The following KLHL29 variants were observed in gnomAD, a reference collection of about 807,000 sequenced individuals.
KLHL29 encodes the protein kelch-like protein 29.
Under a neutral mutation model 80.4 loss-of-function variants are expected in KLHL29, and 21 were observed. The ratio of observed to expected loss-of-function variants is 0.26; its 90% CI spans 0.19 to 0.38. The LOEUF is 0.38. Ranked by LOEUF, KLHL29 falls within the 10% of genes least tolerant of loss-of-function variation. The pLI is 1.00. For missense variants in KLHL29, 867 were observed against 1,223.9 expected (o/e 0.71, Z 4.35); for synonymous variants, 511 against 526.8 (o/e 0.97, Z 0.41).
chr2:23,693,598 G>T lies in KLHL29; in HGVS notation c.1542+70G>T, dbSNP rs908306798. The T allele has an allele frequency of 8.2e-6, 12 of 1,462,538 alleles. No homozygotes were observed. In the African/African-American group the frequency reaches 1.5e-4, roughly 19 times the overall value. 90.6% of individuals were successfully genotyped at this position (1,462,538 alleles called of 1,614,324 possible). On this transcript the variant is annotated intron_variant, in intron 8 of 13. Coordinates refer to ENST00000486442, the MANE Select transcript of KLHL29 (RefSeq NM_052920.2). ...TCCCCCTGCGGCAATGGGGTCTGCAGCAAGGAGGAAGGAAGTGAACCTTCC... is the reference window on the plus strand; with the variant it reads ...TCCCCCTGCGGCAATGGGGTCTGCATCAAGGAGGAAGGAAGTGAACCTTCC...
chr2:23,443,344 A>G (rs1054512461), intron 1 of KLHL29, among the ~76,000 whole-genome samples: 8 of 152,226 alleles, frequency 5.3e-5, no homozygotes, highest in Non-Finnish European at 1.2e-4. Context: ...ATAAGATAAA[A>G]AATTCTCCAC....
chr2:23,508,073 G>A (rs968044906), intron 2 of KLHL29, among the ~76,000 whole-genome samples: 1 of 152,180 alleles, frequency 6.6e-6, no homozygotes, highest in Non-Finnish European at 1.5e-5. Context: ...CTCCCAGCAG[G>A]GGCCTGGGTC....
chr2:23,389,118 A>G (rs1296500957), intron 1 of KLHL29, among the ~76,000 whole-genome samples: 2 of 150,670 alleles, frequency 1.3e-5, no homozygotes, highest in Non-Finnish European at 1.5e-5. Context: ...GGTCTTTTCT[A>G]GTAGTGGTCA....
At chr2:23,464,130 C>T (rs536588237) in intron 1 of KLHL29, among the ~76,000 whole-genome samples, 1 of 152,316 alleles carries the variant, frequency 6.6e-6, no homozygotes, top group South Asian at 2.1e-4. Flanking sequence ...TAATATTATT[C>T]AGTGATTACA....
intron 1 of KLHL29, among the ~76,000 whole-genome samples, chr2:23,411,379 TTGTGTGTGTGTG>T (rs56103621): frequency 4.0e-4 from 44 of 109,026 alleles, no homozygotes; most frequent in African/African-American, 6.8e-4. Flanking sequence ...GTTGCAAAAA[TTGTGTGTGTGTG>T]TGTGTGTGTG....
chr2:23,534,094 C>T (rs1221678627), intron 2 of KLHL29, among the ~76,000 whole-genome samples: 6 of 152,138 alleles, frequency 3.9e-5, no homozygotes, highest in Non-Finnish European at 7.3e-5. Flanking sequence ...TTCCAAGCAA[C>T]CAGGGATTCC....
intron 5 of KLHL29, among the ~76,000 whole-genome samples, chr2:23,660,725 A>G (rs1453628831): frequency 6.6e-6 from 1 of 152,246 alleles, no homozygotes; most frequent in Non-Finnish European, 1.5e-5. Context: ...TTCCCAGGTC[A>G]GTAAGAAGGC....
At chr2:23,600,583 G>T (rs536496413) in intron 3 of KLHL29, among the ~76,000 whole-genome samples, 1 of 152,292 alleles carries the variant, frequency 6.6e-6, no homozygotes, top group Admixed American at 6.5e-5. Flanking sequence ...AGGGGGCGTT[G>T]TTCCTCTACC....
In KLHL29 at chr2:23,695,948, C is replaced by T; in HGVS notation, c.1742-3C>T. The T allele has an allele frequency of 6.4e-7, 1 of 1,550,834 alleles. No individual in the cohort carries two copies. The highest frequency in any genetic ancestry group is 8.7e-7 in the Non-Finnish European group (1 of 1,146,738). On this transcript the variant is annotated splice_polypyrimidine_tract_variant and splice_region_variant and intron_variant, in intron 9 of 13. Coordinates refer to ENST00000486442, the MANE Select transcript of KLHL29 (RefSeq NM_052920.2). This position sits in a 1 kb window ranked among gnomAD's most constrained non-coding sequence, Gnocchi z 7.6. The stretch of plus-strand genomic sequence containing the variant: ...CCAAGGGCGCCCATCCATGTCCCTG[C>T]AGGTGTGGCTGAGGTCATCGTCTTG...
intron 3 of KLHL29, among the ~76,000 whole-genome samples, chr2:23,572,478 A>T (rs376365597): frequency 3.2e-4 from 48 of 152,310 alleles, no homozygotes; most frequent in Middle Eastern, 6.8e-3. Flanking sequence ...TTGTCTCCTT[A>T]TGAGGCAGCG....
chr2:23,557,716 A>C (rs1667334185), intron 2 of KLHL29, among the ~76,000 whole-genome samples: 1 of 152,066 alleles, frequency 6.6e-6, no homozygotes, highest in Non-Finnish European at 1.5e-5. Flanking sequence ...CATGTCTCAG[A>C]GGGGCCGGGT....
intron 11 of KLHL29, among the ~76,000 whole-genome samples, chr2:23,702,148 C>G (rs1173266033): frequency 6.6e-6 from 1 of 152,132 alleles, no homozygotes; most frequent in South Asian, 2.1e-4. Context: ...AACTACCCCC[C>G]ACTTCCAGCC....
At chr2:23,545,577 G>A (rs902345510) in intron 2 of KLHL29, among the ~76,000 whole-genome samples, 3 of 152,226 alleles carry the variant, frequency 2.0e-5, no homozygotes, top group African/African-American at 7.2e-5. Flanking sequence ...GCACCACCTC[G>A]TGGTAAGCGA....
chr2:23,392,561 A>G (rs1160249347), intron 1 of KLHL29, among the ~76,000 whole-genome samples: 4 of 152,186 alleles, frequency 2.6e-5, no homozygotes, highest in African/African-American at 4.8e-5. Flanking sequence ...TACTTTACAT[A>G]TATTATCTCT....
rs57348539 is a variant in KLHL29 at position 23,421,524 on chromosome 2, T to TTGTGTG, written c.-154+35780_-154+35785dup. On this transcript the variant is annotated intron_variant, in intron 1 of 13. Transcript: ENST00000486442. ...GTCAGGAAGGAAGGTTTAGACAAGA[T>TTGTGTG]TGTGTGTGTGTGTGTGTGTGTGTGT... 2.8e-3 allele frequency among the ~76,000 whole-genome samples: 403 copies of TTGTGTG among 143,604 alleles called. 1 individual carries two copies. The highest frequency in any genetic ancestry group is 0.016 in the East Asian group (72 of 4,618). The allele number at this position is 143,604 out of a possible 152,430, so 94.2% of individuals were successfully genotyped here. A position where few individuals can be genotyped will look rare whatever the true frequency, so the allele number is the denominator to read the frequency against.
At chr2:23,478,043 G>A (rs1664684298) in intron 2 of KLHL29, among the ~76,000 whole-genome samples, 1 of 152,152 alleles carries the variant, frequency 6.6e-6, no homozygotes, top group African/African-American at 2.4e-5. Context: ...AGGCATAGCT[G>A]GTCAGATGCA....
chr2:23,390,559 CATACAT>C (rs1205368219), intron 1 of KLHL29, among the ~76,000 whole-genome samples: 1 of 151,110 alleles, frequency 6.6e-6, no homozygotes, highest in Non-Finnish European at 1.5e-5. Flanking sequence ...TATATATACA[CATACAT>C]ATATATAGTT....
At chr2:23,580,128 T>C (rs970494181) in intron 3 of KLHL29, among the ~76,000 whole-genome samples, 16 of 151,884 alleles carry the variant, frequency 1.1e-4, no homozygotes, top group African/African-American at 3.9e-4. Context: ...CCCAGCACTT[T>C]GGGAAGCTGA....
chr2:23,648,929 C>T (rs762782395), intron 5 of KLHL29, among the ~76,000 whole-genome samples: 3 of 152,218 alleles, frequency 2.0e-5, no homozygotes, highest in Non-Finnish European at 2.9e-5. Flanking sequence ...GTTTCCACAT[C>T]TGTAACTTGG....
Sources: gnomAD v4.1 joint callset for allele counts (sites outside exome capture counted in the v4.1 genomes callset) on GRCh38, gnomAD v4.1.1 for gene constraint, Gnocchi (gnomAD v3.1) non-coding constraint, MANE v1.5 for transcripts, NCBI Gene and HGNC (gene_info 2026-07-23, HGNC 2026-07-21) for gene names.